Variants in MINDY4B observed in about 807,000 individuals in gnomAD.
MINDY4B encodes the protein inactive ubiquitin carboxyl-terminal hydrolase MINDY-4B.
A neutral mutation model predicts 16.7 loss-of-function variants in MINDY4B; 25 were observed. The observed-to-expected ratio is 1.49, with a 90% CI of 1.09 to 2.09. The LOEUF is 2.09. Among genes scored for constraint, MINDY4B ranks in the 30% most tolerant of loss-of-function variants. The probability of loss-of-function intolerance (pLI) is 0.00; values close to 1 mark genes in which losing one functional copy is unlikely to be tolerated. For synonymous variants in MINDY4B, 132 were observed against 61.9 expected (o/e 2.13, Z -5.32); for missense variants, 327 against 168.4 (o/e 1.94, Z -5.21).
At chr3:150,894,107 A>G (rs2107907306) in intron 4 of MINDY4B, 79 bp downstream of exon 4, 1 of 570,600 alleles carries the variant, frequency 1.8e-6, no homozygotes, top group East Asian at 2.9e-5. Flanking sequence ...ACATGCATTT[A>G]CATGGATGTG....
chr3:150,889,344 C>T (rs972643671), intron 7 of MINDY4B, among the ~76,000 whole-genome samples: 29 of 152,362 alleles, frequency 1.9e-4, no homozygotes, highest in African/African-American at 3.6e-4. Context: ...ATCATCGAAG[C>T]GGATCCAAGC....
chr3:150,905,279 G>A (rs948390436), intron 1 of MINDY4B, 48 bp downstream of exon 1: 19 of 398,250 alleles, frequency 4.8e-5, no homozygotes, highest in African/African-American at 1.6e-4. Context: ...ACTTAAACAC[G>A]GAAAATTCCT....
At chr3:150,876,497 C>G (rs1042820260) in intron 10 of MINDY4B, among the ~76,000 whole-genome samples, 1 of 152,220 alleles carries the variant, frequency 6.6e-6, no homozygotes, top group Non-Finnish European at 1.5e-5. Flanking sequence ...TGGCTCTCAT[C>G]TCTGCCATCT....
At chr3:150,873,427 C>A in intron 10 of MINDY4B, 60 bp from the exon 11 acceptor site, 1 of 671,692 alleles carries the variant, frequency 1.5e-6, no homozygotes, top group Admixed American at 2.2e-5. Flanking sequence ...GTGACACATG[C>A]CGATACATGA....
At chr3:150,880,342 G>GTGTGTGTGTGTGT (rs1559964876) in intron 10 of MINDY4B, among the ~76,000 whole-genome samples, 10 of 135,264 alleles carry the variant, frequency 7.4e-5, no homozygotes, top group African/African-American at 3.4e-4. Context: ...TGTGTGTGTG[G>GTGTGTGTGTGTGT]ATGCGCACAC....
intron 10 of MINDY4B, among the ~76,000 whole-genome samples, chr3:150,875,718 A>G (rs1711496310): frequency 6.6e-6 from 1 of 152,208 alleles, no homozygotes; most frequent in Non-Finnish European, 1.5e-5. Context: ...GAGCTCTCAT[A>G]GTGAGCAAGC....
At chr3:150,896,651 T>A (rs549958649) in intron 3 of MINDY4B, among the ~76,000 whole-genome samples, 1 of 152,316 alleles carries the variant, frequency 6.6e-6, no homozygotes, top group African/African-American at 2.4e-5. Context: ...ATCTCTCTTC[T>A]GGATCTAGCC....
chr3:150,889,838 G>A (rs906694397), intron 7 of MINDY4B, among the ~76,000 whole-genome samples: 6 of 152,158 alleles, frequency 3.9e-5, no homozygotes, highest in Admixed American at 6.5e-5. Context: ...TTCCACCCTG[G>A]GGGTAGGGAA....
intron 5 of MINDY4B, among the ~76,000 whole-genome samples, chr3:150,891,761 C>CAAA (rs35565267): frequency 3.1e-4 from 21 of 68,632 alleles, no homozygotes; most frequent in South Asian, 9.2e-4. Flanking sequence ...GACTCCATCT[C>CAAA]AAAAAAAAAA....
intron 7 of MINDY4B, among the ~76,000 whole-genome samples, chr3:150,888,209 G>A (rs2107903128): frequency 6.6e-6 from 1 of 152,214 alleles, no homozygotes; most frequent in Non-Finnish European, 1.5e-5. Flanking sequence ...CCTTGGCTTG[G>A]AGAAGCATCA....
At chr3:150,899,126 G>C (rs1029043390) in intron 3 of MINDY4B, among the ~76,000 whole-genome samples, 13 of 152,186 alleles carry the variant, frequency 8.5e-5, no homozygotes, top group African/African-American at 2.2e-4. Flanking sequence ...CTGGTATGTA[G>C]TAGGCTCAAA....
At chr3:150,874,918 A>T (rs1053932114) in intron 10 of MINDY4B, among the ~76,000 whole-genome samples, 2 of 152,222 alleles carry the variant, frequency 1.3e-5, no homozygotes, top group Non-Finnish European at 2.9e-5. Flanking sequence ...CAGAAAAATT[A>T]TATTGCTATG....
chr3:150,901,977 G>C (rs983487237), intron 3 of MINDY4B, among the ~76,000 whole-genome samples: 3 of 152,158 alleles, frequency 2.0e-5, no homozygotes, highest in Non-Finnish European at 4.4e-5. Flanking sequence ...GCATCTGATT[G>C]TGTCCTGTCT....
At chr3:150,891,198 A>T in intron 5 of MINDY4B, 95 bp from the exon 6 acceptor site, 2 of 639,980 alleles carry the variant, frequency 3.1e-6, no homozygotes, top group Non-Finnish European at 5.7e-6. Flanking sequence ...TTGACCTTCA[A>T]AGTCAGAGAG....
intron 11 of MINDY4B, 142 bp from the exon 12 acceptor site, chr3:150,871,329 T>C (rs1716963150): frequency 1.6e-6 from 1 of 610,882 alleles, no homozygotes; most frequent in African/African-American, 1.8e-5. Flanking sequence ...CAGATGGGGA[T>C]TCAAGCAGGT....
rs928941650 is a variant in MINDY4B at position 150,870,569 on chromosome 3, C to T, written c.*476G>A. ...GAACTTGCTAATGTGGGCATATGAA[C>T]TGTATCCTTGGAAAGGAATGCCGTC... On this transcript the variant is annotated 3_prime_UTR_variant, in exon 12 of 12. Transcript: ENST00000465419. Among the ~76,000 whole-genome samples the T allele has an allele frequency of 6.6e-6, 1 of 152,212 alleles. No individual in the cohort carries two copies. Among genetic ancestry groups the T allele is most frequent in the Admixed American group, 6.5e-5 (1 of 15,282 alleles).
chr3:150,898,561 C>T (rs35096827), intron 3 of MINDY4B, among the ~76,000 whole-genome samples: 9,891 of 152,258 alleles, frequency 0.065, 421 homozygotes, highest in Middle Eastern at 0.1. Context: ...ATGAGATTAA[C>T]CTGACACATA....
chr3:150,887,968 C>T (rs537838499), intron 7 of MINDY4B, among the ~76,000 whole-genome samples: 2 of 152,030 alleles, frequency 1.3e-5, no homozygotes, highest in African/African-American at 2.4e-5. Flanking sequence ...ATTAGCCAGG[C>T]GTGGTGGCGG....
At chr3:150,891,178 C>A in intron 5 of MINDY4B, 75 bp from the exon 6 acceptor site, 1 of 657,416 alleles carries the variant, frequency 1.5e-6, no homozygotes, top group Non-Finnish European at 2.8e-6. Context: ...AAGTAATTTG[C>A]TCCTGGTCAT....
Sources: allele counts gnomAD v4.1 joint callset (sites outside exome capture counted in the v4.1 genomes callset), GRCh38; gene constraint gnomAD v4.1.1; transcripts MANE v1.5; gene names NCBI Gene and HGNC (gene_info 2026-07-23, HGNC 2026-07-21).